C12orf42: variants seen among roughly 807,000 people sequenced by gnomAD.
The protein encoded by C12orf42 is uncharacterized protein C12orf42.
A neutral mutation model predicts 21.6 loss-of-function variants in C12orf42; 25 were observed. The ratio of observed to expected loss-of-function variants is 1.16; its 90% CI spans 0.84 to 1.62. The LOEUF (loss-of-function observed/expected upper bound fraction) is 1.62, where lower values mean the gene tolerates loss of function less well. C12orf42 is among the 40% of genes most tolerant of loss of function. The pLI is 0.00. For missense variants in C12orf42, 483 were observed against 459.3 expected, an observed-to-expected ratio of 1.05 and a Z score of -0.47; for synonymous variants, 174 against 175.0, an observed-to-expected ratio of 0.99 and a Z score of 0.05.
At chr12:103,274,029 C>T (rs2035622228) in intron 5 of C12orf42, 1 of 436,788 alleles carries the variant, frequency 2.3e-6, no homozygotes, top group South Asian at 1.6e-5. Flanking sequence ...TCCTCTCTGC[C>T]TTTCAGACAC....
the C12orf42 span, among the ~76,000 whole-genome samples, chr12:103,090,515 GTGTTGAGAGA>G: frequency 6.6e-6 from 1 of 152,206 alleles, no homozygotes; most frequent in Admixed American, 6.5e-5. Flanking sequence ...CCTCATAGAG[GTGTTGAGAGA>G]TCAGATGAAA....
the C12orf42 span, among the ~76,000 whole-genome samples, chr12:103,161,224 C>A: frequency 1.3e-5 from 2 of 152,106 alleles, no homozygotes; most frequent in Admixed American, 6.5e-5. Context: ...AATCCTGAAT[C>A]CAAGACTAGA....
intron 4 of C12orf42, among the ~76,000 whole-genome samples, chr12:103,313,657 C>T (rs1291131068): frequency 6.6e-6 from 1 of 152,150 alleles, no homozygotes; most frequent in Admixed American, 6.5e-5. Flanking sequence ...GCAGTACCTG[C>T]CACATAGGAC....
At chr12:103,170,075 C>A in the C12orf42 span, among the ~76,000 whole-genome samples, 1 of 152,110 alleles carries the variant, frequency 6.6e-6, no homozygotes, top group Admixed American at 6.6e-5. Context: ...GTACTCCAGG[C>A]TTGAGTGGTG....
intron 2 of C12orf42, among the ~76,000 whole-genome samples, chr12:103,470,076 A>G (rs926502728): frequency 1.3e-5 from 2 of 152,238 alleles, no homozygotes; most frequent in Admixed American, 6.5e-5. Flanking sequence ...ACTCAGGACT[A>G]AAACCCAAGA....
At chr12:103,376,413 G>A (rs1471917777) in intron 3 of C12orf42, among the ~76,000 whole-genome samples, 4 of 151,970 alleles carry the variant, frequency 2.6e-5, no homozygotes, top group African/African-American at 9.7e-5. Context: ...TCGAGGGGTG[G>A]GGGGCAAGGG....
intron 4 of C12orf42, among the ~76,000 whole-genome samples, chr12:103,281,646 G>T (rs1302979346): frequency 6.6e-6 from 1 of 151,792 alleles, no homozygotes; most frequent in East Asian, 1.9e-4. Context: ...GTGAGCCACC[G>T]TGCCTGGTCT....
At chr12:103,305,885 G>A in intron 5 of C12orf42, 89 bp downstream of exon 5, 2 of 1,437,588 alleles carry the variant, frequency 1.4e-6, no homozygotes, top group Non-Finnish European at 1.9e-6. Flanking sequence ...TGGCCATGAA[G>A]TCAATATTTT....
chr12:103,175,448 A>G, the C12orf42 span, among the ~76,000 whole-genome samples: 1 of 152,220 alleles, frequency 6.6e-6, no homozygotes, highest in Non-Finnish European at 1.5e-5. Context: ...CCTAGCCAAG[A>G]GTTGGCGAGC....
intron 3 of C12orf42, among the ~76,000 whole-genome samples, chr12:103,394,619 AT>A (rs2047359200): frequency 6.6e-6 from 1 of 152,144 alleles, no homozygotes; most frequent in African/African-American, 2.4e-5. Context: ...TCAGAAAGCA[AT>A]TTTTTTCCAC....
At chr12:103,055,267 TG>T in the C12orf42 span, among the ~76,000 whole-genome samples, 2 of 152,024 alleles carry the variant, frequency 1.3e-5, no homozygotes, top group Admixed American at 1.3e-4. Flanking sequence ...GCTATACAAA[TG>T]ATTTTATATT....
At chr12:103,247,205 G>T (rs201009647) in intron 10 of C12orf42, among the ~76,000 whole-genome samples, 1 of 149,820 alleles carries the variant, frequency 6.7e-6, no homozygotes. Flanking sequence ...TTAATATTTT[G>T]AGTTAATATT....
chr12:103,097,154 T>C, the C12orf42 span, among the ~76,000 whole-genome samples: 2 of 152,206 alleles, frequency 1.3e-5, no homozygotes, highest in African/African-American at 4.8e-5. Flanking sequence ...TGAAAATAAC[T>C]AACCTAACTG....
At chr12:103,448,857 G>A (rs992159806) in intron 2 of C12orf42, among the ~76,000 whole-genome samples, 1 of 151,802 alleles carries the variant, frequency 6.6e-6, no homozygotes, top group African/African-American at 2.4e-5. Flanking sequence ...ACTATTAATA[G>A]TACAACCACA....
the C12orf42 span, among the ~76,000 whole-genome samples, chr12:103,070,016 TG>T: frequency 6.6e-6 from 1 of 152,186 alleles, no homozygotes; most frequent in Non-Finnish European, 1.5e-5. Context: ...AGCTAACACC[TG>T]GGGTGCTTAC....
At chr12:103,434,525 T>C (rs532607921) in intron 2 of C12orf42, among the ~76,000 whole-genome samples, 1,914 of 152,042 alleles carry the variant, frequency 0.013, 33 homozygotes, top group African/African-American at 0.044. Flanking sequence ...AGACAGTGGG[T>C]GCAGGTCAGT....
chr12:103,544,625 C>T, the C12orf42 span, among the ~76,000 whole-genome samples: 2 of 152,198 alleles, frequency 1.3e-5, no homozygotes, highest in Non-Finnish European at 2.9e-5. Context: ...TCTTCTTCTA[C>T]AATACCAAAT....
the C12orf42 span, among the ~76,000 whole-genome samples, chr12:103,513,214 G>C: frequency 6.6e-6 from 1 of 152,100 alleles, no homozygotes; most frequent in African/African-American, 2.4e-5. Context: ...GGCAAGGAGA[G>C]TCAGAATGTT....
intron 5 of C12orf42, among the ~76,000 whole-genome samples, chr12:103,276,915 T>C (rs2035805673): frequency 6.6e-6 from 1 of 152,224 alleles, no homozygotes; most frequent in African/African-American, 2.4e-5. Context: ...AATTTGGTGA[T>C]GATACTTGAA....
Sources: gnomAD v4.1 joint callset for allele counts (sites outside exome capture counted in the v4.1 genomes callset) on GRCh38, gnomAD v4.1.1 for gene constraint, MANE v1.5 for transcripts, NCBI Gene and HGNC (gene_info 2026-07-23, HGNC 2026-07-21) for gene names.